Variants in SCNN1A observed in about 807,000 individuals in gnomAD.
SCNN1A encodes epithelial sodium channel subunit alpha.
A neutral mutation model predicts 68.6 loss-of-function variants in SCNN1A; 65 were observed. The ratio of observed to expected loss-of-function variants is 0.95; its 90% CI spans 0.78 to 1.16. SCNN1A has a LOEUF of 1.16. SCNN1A is among the 50% of genes most tolerant of loss of function. The pLI is 0.00. For synonymous variants in SCNN1A, 357 were observed against 353.3 expected, an observed-to-expected ratio of 1.01 and a Z score of -0.12; for missense variants, 880 against 865.9, an observed-to-expected ratio of 1.02 and a Z score of -0.20.
chr12:6,369,572 C>T (rs1317793797), intron 2 of SCNN1A, among the ~76,000 whole-genome samples: 1 of 152,108 alleles, frequency 6.6e-6, no homozygotes, highest in Non-Finnish European at 1.5e-5. Context: ...GTGGCTCACG[C>T]CTATAATCCC....
At position 6,363,449 on chromosome 12, in the gene SCNN1A, G is replaced by T. The variant is rs751536696; in HGVS notation, c.678C>A (p.Phe226Leu). 1.1e-5 allele frequency: 18 copies of T among 1,585,972 alleles called. No homozygotes were observed. The highest frequency in any genetic ancestry group is 4.4e-4 in the Middle Eastern group (2 of 4,508). The change falls in exon 3 of 13, where the codon TTC (phenylalanine) becomes TTA (leucine). Residue 226 changes from phenylalanine to leucine, a missense_variant. This residue lies in a region of SCNN1A where 758 missense variants were observed against 721.8 expected (regional missense o/e 1.05). Transcript: ENST00000228916. ...TCGGCGCTGCGGGCCTCACCAGCTGGAAGCCGATCTTCCAGTCCTTCCAGT... is the reference window on the plus strand; with the variant it reads ...TCGGCGCTGCGGGCCTCACCAGCTGTAAGCCGATCTTCCAGTCCTTCCAGT... ...QVDWKDWKIG[F>L]QLCNQNKSDC...
At chr12:6,363,157 AAT>A (rs869045323) in intron 3 of SCNN1A, among the ~76,000 whole-genome samples, 49 of 151,004 alleles carry the variant, frequency 3.2e-4, no homozygotes, top group African/African-American at 1.2e-3. Context: ...TAATAATAAT[AAT>A]AAAAGTTCAT....
chr12:6,354,817 C>A lies in SCNN1A; in HGVS notation c.1175G>T (p.Gly392Val). ...ETLDRLGGDYGDCTKNGSDVP... is the reference protein window; with the variant it reads ...ETLDRLGGDYVDCTKNGSDVP... ...ATCACTGCCATTCTTGGTGCAGTCGCCATAATCGCCCCCAAGTCTGTCCAG... is the reference window on the plus strand; with the variant it reads ...ATCACTGCCATTCTTGGTGCAGTCGACATAATCGCCCCCAAGTCTGTCCAG... The change falls in exon 7 of 13, where the codon GGC (glycine) becomes GTC (valine). Residue 392 changes from glycine (G) to valine (V), a missense_variant. Coordinates refer to ENST00000228916, the MANE Select transcript of SCNN1A (RefSeq NM_001038.6). 6.2e-7 allele frequency: 1 copy of A among 1,613,996 alleles called. No individual in the cohort carries two copies.
At chr12:6,368,214 C>A (rs1432664477) in intron 2 of SCNN1A, among the ~76,000 whole-genome samples, 2 of 152,190 alleles carry the variant, frequency 1.3e-5, no homozygotes, top group Non-Finnish European at 2.9e-5. Flanking sequence ...GTGCCCCCCG[C>A]CCCCAACCAG....
intron 12 of SCNN1A, 108 bp from the exon 13 acceptor site, chr12:6,348,361 C>T (rs1285315941): frequency 1.3e-6 from 2 of 1,577,374 alleles, no homozygotes; most frequent in Non-Finnish European, 1.7e-6. Flanking sequence ...TCCCTGAAGA[C>T]CCCCGAGTCC....
intron 12 of SCNN1A, 77 bp downstream of exon 12, chr12:6,348,650 C>G (rs1176547514): frequency 7.8e-7 from 1 of 1,274,622 alleles, no homozygotes; most frequent in South Asian, 1.2e-5. Flanking sequence ...CAGAGACAAC[C>G]TTTTGGTTTT....
At chr12:6,375,914 C>T (rs1948898963), upstream of SCNN1A, 6 of 1,146,166 alleles carry the variant, frequency 5.2e-6, no homozygotes, top group Admixed American at 4.8e-5. Flanking sequence ...AGAGGGACAG[C>T]GAAGGACAGA....
In SCNN1A at chr12:6,363,494, C is replaced by T. The variant is rs1202222329; in HGVS notation, c.633G>A (p.Arg211=). 8.1e-6 allele frequency: 13 copies of T among 1,607,662 alleles called. No homozygotes were observed. Among genetic ancestry groups the T allele is most frequent in the Non-Finnish European group, 1.1e-5 (13 of 1,177,268 alleles). ...RRARSVASSL[R]DNNPQVDWKD... is the part of the protein sequence containing the mutation. ...TCCAGTCCACCTGGGGGTTGTTGTC[C>T]CGCAAGCTGGAGGCCACGCTACGGG... Residue 211 remains arginine (R), a synonymous_variant, in exon 3 of 13, where the codon CGG becomes CGA. Transcript: ENST00000228916.
Position 6,374,274 on chromosome 12 carries a change from G to C in SCNN1A, c.416+94C>G, listed in dbSNP as rs1209578722. 1.5e-6 allele frequency: 2 copies of C among 1,371,916 alleles called. No homozygotes were observed. Among genetic ancestry groups the C allele is most frequent in the African/African-American group, 1.4e-5 (1 of 69,820 alleles). 85.0% of individuals were successfully genotyped at this position (1,371,916 alleles called of 1,614,324 possible). ...ACAGGGGTGTCAGTTCCCACCCTCA[G>C]GTCTGAGGCTCTGCCTGCCCAGTGA... On this transcript the variant is annotated intron_variant, in intron 2 of 12. Transcript: ENST00000228916. This position sits in a 1 kb window ranked among gnomAD's most constrained non-coding sequence, Gnocchi z 6.2.
chr12:6,360,256 G>A (rs909975401), intron 4 of SCNN1A, among the ~76,000 whole-genome samples: 37 of 152,174 alleles, frequency 2.4e-4, no homozygotes, highest in African/African-American at 8.9e-4. Flanking sequence ...CGAGCAATGA[G>A]GCTCTGAGCT....
At chr12:6,367,278 T>C (rs1948696610) in intron 2 of SCNN1A, among the ~76,000 whole-genome samples, 1 of 152,200 alleles carries the variant, frequency 6.6e-6, no homozygotes, top group South Asian at 2.1e-4. Flanking sequence ...TAGCATTTAT[T>C]GAGCACTTAC....
chr12:6,375,489 C>T lies in SCNN1A; in HGVS notation c.-55+16G>A, dbSNP rs1284218060. ...TTCCAGTTGAATCTGGCAGCCAAAC[C>T]TCTCCTCCCCCTCACCTGACAGGTG... On this transcript the variant is annotated intron_variant, in intron 1 of 12. Coordinates refer to ENST00000228916, the MANE Select transcript of SCNN1A (RefSeq NM_001038.6). 7 of 1,535,622 alleles carry T rather than the reference C, an allele frequency of 4.6e-6. No homozygotes were observed. Among genetic ancestry groups the T allele is most frequent in the South Asian group, 3.6e-5 (3 of 84,064 alleles).
At chr12:6,354,066 T>C (rs1176915431) in intron 8 of SCNN1A, among the ~76,000 whole-genome samples, 4 of 150,976 alleles carry the variant, frequency 2.6e-5, no homozygotes, top group Non-Finnish European at 4.4e-5. Context: ...CCGTCTCTAC[T>C]AAAAATACCA....
chr12:6,363,729 G>A lies in SCNN1A; in HGVS notation c.417-19C>T, dbSNP rs1406990346. On this transcript the variant is annotated intron_variant, in intron 2 of 12. Coordinates refer to ENST00000228916, the MANE Select transcript of SCNN1A (RefSeq NM_001038.6). ...CGGGTACCTGAAGGGGCGAGGGGAA[G>A]AGGGTCAGGCCAGGGGCCCTGGAGC... The A allele has an allele frequency of 5.0e-6, 8 of 1,589,072 alleles. No individual in the cohort carries two copies. Among genetic ancestry groups the A allele is most frequent in the Non-Finnish European group, 6.0e-6 (7 of 1,167,444 alleles).
Position 6,361,437 on chromosome 12 carries a change from C to T in SCNN1A, c.875+614G>A, listed in dbSNP as rs549087708. On this transcript the variant is annotated intron_variant, in intron 4 of 12. Coordinates refer to ENST00000228916, the MANE Select transcript of SCNN1A (RefSeq NM_001038.6). The stretch of plus-strand genomic sequence containing the variant: ...AGCTTTGATGCTAGGGAGAAAGGGG[C>T]CTTAGAAAGACCAAGACCCTGGCCA... Among the ~76,000 whole-genome samples, 7 of 152,166 alleles carry T rather than the reference C, an allele frequency of 4.6e-5. No individual in the cohort carries two copies. The South Asian group carries it at 1.5e-3, about 32-fold the overall frequency.
At chr12:6,369,833 C>CAAAAAAAAAAAAAAAAAA (rs397850777) in intron 2 of SCNN1A, among the ~76,000 whole-genome samples, 1 of 93,630 alleles carries the variant, frequency 1.1e-5, no homozygotes. Context: ...GACTCTGTCT[C>CAAAAAAAAAAAAAAAAAA]AAAAAAAAAA....
At chr12:6,369,470 A>T (rs1414710526) in intron 2 of SCNN1A, among the ~76,000 whole-genome samples, 1 of 152,042 alleles carries the variant, frequency 6.6e-6, no homozygotes, top group Non-Finnish European at 1.5e-5. Flanking sequence ...CCTCCAGAGG[A>T]GGCTGGGTTC....
Position 6,347,884 on chromosome 12 carries a change from C to G in SCNN1A, c.1999G>C (p.Gly667Arg), listed in dbSNP as rs898612991. The stretch of plus-strand genomic sequence containing the variant: ...CCTCTCCTTCCCTCTCAGGGCCCCC[C>G]CAGAGGACAGGTGGAGGAACTGGCC... ...AGASSSTCPL[G>R]GP Residue 667 changes from glycine (G) to arginine (R), a missense_variant, in exon 13 of 13, where the codon GGG (glycine) becomes CGG (arginine). Physicochemically the swap from Gly to Arg is moderately radical, Grantham distance 125 (BLOSUM62 -2). Around this residue, in one of 3 missense-constraint regions of SCNN1A, gnomAD observed 758 missense variants for 721.8 expected, o/e 1.05. Transcript: ENST00000228916. 3.7e-6 allele frequency: 6 copies of G among 1,602,400 alleles called. No individual in the cohort carries two copies. The highest frequency in any genetic ancestry group is 4.3e-6 in the Non-Finnish European group (5 of 1,174,930).
chr12:6,357,435 G>A (rs1177088095), intron 4 of SCNN1A, among the ~76,000 whole-genome samples: 3 of 151,426 alleles, frequency 2.0e-5, no homozygotes, highest in South Asian at 2.1e-4. Flanking sequence ...TTCGCCAGGC[G>A]TGGTGGTGGG....
Sources: gnomAD v4.1 joint callset for allele counts (sites outside exome capture counted in the v4.1 genomes callset) on GRCh38, gnomAD v4.1.1 for gene constraint, gnomAD v4.1.1 regional missense constraint, Gnocchi (gnomAD v3.1) non-coding constraint, MANE v1.5 for transcripts, NCBI Gene and HGNC (gene_info 2026-07-23, HGNC 2026-07-21) for gene names.